Variants in SPOCK3 observed in about 807,000 individuals in gnomAD.
The protein encoded by SPOCK3 is SPARC (osteonectin), cwcv and kazal like domains proteoglycan 3, also known as testican-3.
SPOCK3 carries 30 observed loss-of-function variants against 56.6 expected under a neutral mutation model. The ratio of observed to expected loss-of-function variants is 0.53; its 90% CI spans 0.40 to 0.72. SPOCK3 has a LOEUF of 0.72. Among genes scored for constraint, SPOCK3 ranks in the 30% least tolerant of loss-of-function variants. SPOCK3 has a pLI of 0.00. For missense variants in SPOCK3, 527 were observed against 530.0 expected, an observed-to-expected ratio of 0.99 and a Z score of 0.06; for synonymous variants, 196 against 183.3, an observed-to-expected ratio of 1.07 and a Z score of -0.56.
chr4:166,991,671 C>A (rs1747807091), intron 4 of SPOCK3, among the ~76,000 whole-genome samples: 1 of 151,898 alleles, frequency 6.6e-6, no homozygotes, highest in African/African-American at 2.4e-5. Flanking sequence ...GTGCCCAGTC[C>A]ATACCAATTT....
At chr4:167,154,608 A>G (rs1764671511) in intron 2 of SPOCK3, among the ~76,000 whole-genome samples, 1 of 152,144 alleles carries the variant, frequency 6.6e-6, no homozygotes, top group African/African-American at 2.4e-5. Flanking sequence ...TTCAACATTC[A>G]TTTCCGGTAC....
At chr4:167,131,970 C>T (rs1328588757) in intron 2 of SPOCK3, among the ~76,000 whole-genome samples, 1 of 151,996 alleles carries the variant, frequency 6.6e-6, no homozygotes, top group African/African-American at 2.4e-5. Context: ...TTAGTGAAGC[C>T]CAGGTATTTA....
chr4:166,740,215 A>G (rs560939992), intron 9 of SPOCK3, among the ~76,000 whole-genome samples: 1 of 152,210 alleles, frequency 6.6e-6, no homozygotes, highest in South Asian at 2.1e-4. Context: ...TCAATTTCAG[A>G]CGCGTACTAA....
chr4:167,177,767 C>G (rs1297622329), intron 2 of SPOCK3, among the ~76,000 whole-genome samples: 2 of 152,060 alleles, frequency 1.3e-5, no homozygotes, highest in Non-Finnish European at 2.9e-5. Flanking sequence ...TGTCAACTTG[C>G]CTGTCTTTAT....
chr4:166,788,726 G>A (rs544144138), intron 7 of SPOCK3, among the ~76,000 whole-genome samples: 1 of 151,438 alleles, frequency 6.6e-6, no homozygotes, highest in Non-Finnish European at 1.5e-5. Context: ...ATGACATAAG[G>A]CAACTTTGTA....
intron 2 of SPOCK3, among the ~76,000 whole-genome samples, chr4:167,218,416 A>G (rs1735575789): frequency 1.3e-5 from 2 of 152,140 alleles, no homozygotes; most frequent in Non-Finnish European, 2.9e-5. Context: ...TAGAGCAAAC[A>G]GCATATTCAA....
chr4:166,920,194 C>G (rs1415655551), intron 4 of SPOCK3, among the ~76,000 whole-genome samples: 1 of 151,970 alleles, frequency 6.6e-6, no homozygotes, highest in Non-Finnish European at 1.5e-5. Context: ...AATGGAAAAC[C>G]ACATTCCAAT....
chr4:166,842,240 C>A (rs557666638), intron 6 of SPOCK3, among the ~76,000 whole-genome samples: 7 of 152,302 alleles, frequency 4.6e-5, no homozygotes, highest in East Asian at 3.9e-4. Flanking sequence ...GACTTCAGCA[C>A]GTTGCTTTTG....
intron 2 of SPOCK3, among the ~76,000 whole-genome samples, chr4:167,121,166 T>G (rs1761834800): frequency 1.3e-5 from 2 of 150,788 alleles, no homozygotes; most frequent in Non-Finnish European, 3.0e-5. Context: ...TATATTTAAA[T>G]AATATATAAT....
At chr4:167,049,549 T>A (rs979351698) in intron 3 of SPOCK3, among the ~76,000 whole-genome samples, 1 of 152,186 alleles carries the variant, frequency 6.6e-6, no homozygotes, top group Non-Finnish European at 1.5e-5. Context: ...CAAATAGATT[T>A]ATTTTGACCT....
chr4:166,905,372 C>T (rs1345709617), intron 5 of SPOCK3, among the ~76,000 whole-genome samples: 3 of 151,878 alleles, frequency 2.0e-5, no homozygotes, highest in African/African-American at 7.2e-5. Context: ...TAAAAGTTAA[C>T]ATGAAAATTC....
intron 7 of SPOCK3, among the ~76,000 whole-genome samples, chr4:166,769,058 C>T (rs1030933507): frequency 6.6e-5 from 10 of 152,166 alleles, no homozygotes; most frequent in African/African-American, 2.2e-4. Context: ...AAGGACTTCT[C>T]TACAGTGGTT....
chr4:166,880,619 C>A (rs1262707632), intron 6 of SPOCK3, among the ~76,000 whole-genome samples: 1 of 152,134 alleles, frequency 6.6e-6, no homozygotes, highest in Non-Finnish European at 1.5e-5. Flanking sequence ...TTTCCCATGT[C>A]GTTTGATTCT....
At chr4:166,752,242 C>G (rs1433325708) in intron 8 of SPOCK3, among the ~76,000 whole-genome samples, 1 of 151,998 alleles carries the variant, frequency 6.6e-6, no homozygotes, top group Non-Finnish European at 1.5e-5. Context: ...CCACACTGCT[C>G]GGACTCCTGA....
chr4:166,808,628 T>C (rs184342908), intron 6 of SPOCK3, among the ~76,000 whole-genome samples: 202 of 152,244 alleles, frequency 1.3e-3, no homozygotes, highest in African/African-American at 4.5e-3. Context: ...GCCTATGGTA[T>C]TTTATTATGG....
At chr4:166,827,150 G>A (rs969445640) in intron 6 of SPOCK3, among the ~76,000 whole-genome samples, 13 of 151,904 alleles carry the variant, frequency 8.6e-5, no homozygotes, top group Non-Finnish European at 1.8e-4. Flanking sequence ...ATATTTTCTG[G>A]AGCGTATAGC....
At chr4:166,743,047 C>G (rs1217169644) in intron 8 of SPOCK3, among the ~76,000 whole-genome samples, 1 of 152,090 alleles carries the variant, frequency 6.6e-6, no homozygotes, top group Non-Finnish European at 1.5e-5. Context: ...TTGGTGTTCA[C>G]AAGTGGTCCT....
intron 3 of SPOCK3, among the ~76,000 whole-genome samples, chr4:167,015,678 A>C (rs991420812): frequency 5.3e-5 from 8 of 152,142 alleles, no homozygotes; most frequent in Non-Finnish European, 1.0e-4. Flanking sequence ...TAATGATCTG[A>C]CTGTTGTTAA....
chr4:166,954,069 A>T (rs1160801180), intron 4 of SPOCK3, among the ~76,000 whole-genome samples: 1 of 151,158 alleles, frequency 6.6e-6, no homozygotes, highest in Non-Finnish European at 1.5e-5. Flanking sequence ...ATGTACCCTA[A>T]AACTTAAAGT....
Sources: gnomAD v4.1 joint callset for allele counts (sites outside exome capture counted in the v4.1 genomes callset) on GRCh38, gnomAD v4.1.1 for gene constraint, MANE v1.5 for transcripts, NCBI Gene and HGNC (gene_info 2026-07-23, HGNC 2026-07-21) for gene names.